QRICH2: variants seen among roughly 807,000 people sequenced by gnomAD.
QRICH2 encodes the protein glutamine-rich protein 2.
Under a neutral mutation model 168.3 loss-of-function variants are expected in QRICH2, and 119 were observed. The ratio of observed to expected loss-of-function variants is 0.71; its 90% CI spans 0.61 to 0.82. The LOEUF is 0.82. QRICH2 is among the 40% of genes least tolerant of loss of function. The probability of loss-of-function intolerance (pLI) is 0.00; values close to 1 mark genes in which losing one functional copy is unlikely to be tolerated. For synonymous variants in QRICH2, 894 were observed against 951.2 expected, an observed-to-expected ratio of 0.94 and a Z score of 1.11; for missense variants, 2,241 against 2,491.6, an observed-to-expected ratio of 0.90 and a Z score of 2.14.
rs983208615 is a variant in QRICH2 at position 76,307,745 on chromosome 17, C to T, written c.254G>A (p.Arg85Gln). 2.3e-5 allele frequency: 32 copies of T among 1,381,480 alleles called. No individual in the cohort carries two copies. Among genetic ancestry groups the T allele is most frequent in the Non-Finnish European group, 2.7e-5 (29 of 1,071,476 alleles). The allele number at this position is 1,381,480 out of a possible 1,614,324, so 85.6% of individuals were successfully genotyped here. A position where few individuals can be genotyped will look rare whatever the true frequency, so the allele number is the denominator to read the frequency against. The change falls in exon 1 of 19, where the codon CGG becomes CAG. Residue 85 changes from arginine (R) to glutamine (Q), a missense_variant. By Grantham distance (43) the Arg-to-Gln change is conservative. This residue lies in a region of QRICH2 where 2,047 missense variants were observed against 2,303.8 expected (regional missense o/e 0.89). Transcript: ENST00000680821. The surrounding 1 kb of genome is among the most constrained non-coding windows in gnomAD (Gnocchi z 5.3). ...CTGGCCCACGCCCCTGCGCTTCTCC[C>T]GGGGCGCCCCCTTGGGCACCTCCTT... Reference protein sequence around the residue: ...APKEVPKGAPREKRRGVGQAP... With the variant: ...APKEVPKGAPQEKRRGVGQAP...
At chr17:76,289,161 G>A (rs11077811) in intron 5 of QRICH2, among the ~76,000 whole-genome samples, 36,751 of 151,480 alleles carry the variant, frequency 0.24, 4,756 homozygotes, top group East Asian at 0.52. Flanking sequence ...TGGCTCAGCT[G>A]AATCATAATA....
At chr17:76,275,520 C>T (rs1331526902) in intron 18 of QRICH2, among the ~76,000 whole-genome samples, 1 of 152,222 alleles carries the variant, frequency 6.6e-6, no homozygotes, top group African/African-American at 2.4e-5. Flanking sequence ...CGCACGAGCT[C>T]CATGACAGTG....
chr17:76,305,243 A>G, intron 1 of QRICH2, among the ~76,000 whole-genome samples: 1 of 148,084 alleles, frequency 6.8e-6, no homozygotes, highest in Non-Finnish European at 1.5e-5. Context: ...AGCTCACTGC[A>G]GCCTCAACCT....
intron 1 of QRICH2, among the ~76,000 whole-genome samples, chr17:76,306,748 G>A (rs1482607222): frequency 6.6e-6 from 1 of 152,054 alleles, no homozygotes; most frequent in Non-Finnish European, 1.5e-5. Context: ...TTAGCCAGGC[G>A]GGGTGGCGCG....
Position 76,292,106 on chromosome 17 carries a change from G to A in QRICH2, c.2621C>T (p.Pro874Leu). The part of the protein sequence containing the change: ...PGVDQRGLVQ[P>L]GVDQRGLVQP... ...GACCAAACCACGCTGATCCACTCCA[G>A]GTTGCACCAAACCACGCTGATCCAC... Residue 874 changes from proline to leucine, a missense_variant, in exon 4 of 19, where the codon CCT becomes CTT. Physicochemically the swap from Pro to Leu is moderately conservative, Grantham distance 98 (BLOSUM62 -3). Coordinates refer to ENST00000680821, the MANE Select transcript of QRICH2 (RefSeq NM_001388453.1). 1 of 1,613,460 alleles carries A rather than the reference G, an allele frequency of 6.2e-7. No homozygotes were observed. The highest frequency in any genetic ancestry group is 1.1e-5 in the South Asian group (1 of 91,080).
chr17:76,282,445 G>A (rs2070807386), intron 7 of QRICH2, among the ~76,000 whole-genome samples: 1 of 152,182 alleles, frequency 6.6e-6, no homozygotes, highest in South Asian at 2.1e-4. Context: ...CAGTTAGCCG[G>A]GCCATAAACA....
chr17:76,291,766 C>T lies in QRICH2; in HGVS notation c.2961G>A (p.Lys987=), dbSNP rs1299018894. 2 of 1,614,040 alleles carry T rather than the reference C, an allele frequency of 1.2e-6. No homozygotes were observed. The highest frequency in any genetic ancestry group is 2.7e-5 in the African/African-American group (2 of 74,912). ...CCTGGAATGTTGAAGAGCCACGAAG[C>T]TTTGTGCCTGGTGCTATCAAGCCTG... ...YQPGLIAPGT[K]LRGSSTFQAD... Residue 987 remains lysine (K), a synonymous_variant, in exon 4 of 19, where the codon AAG becomes AAA. Transcript: ENST00000680821.
intron 6 of QRICH2, 125 bp downstream of exon 6, chr17:76,287,675 G>T: frequency 1.4e-6 from 1 of 739,410 alleles, no homozygotes. Context: ...GTGAAGAGCA[G>T]ACACAATCCA....
chr17:76,294,295 G>GT (rs2071068470), intron 3 of QRICH2, among the ~76,000 whole-genome samples: 1 of 152,078 alleles, frequency 6.6e-6, no homozygotes. Context: ...GTGGTGGCAT[G>GT]TGTCTGTAAT....
chr17:76,310,900 T>G (rs2071064065), upstream of QRICH2: 1 of 152,164 alleles, frequency 6.6e-6, no homozygotes, highest in South Asian at 2.1e-4. Flanking sequence ...TCTGTATCCA[T>G]GGTCTTCTGC....
At position 76,278,083 on chromosome 17, in the gene QRICH2, C is replaced by G; in HGVS notation, c.5023G>C (p.Val1675Leu). ...GTGGAGCCCCCGAAGTGGATCTGCA[C>G]CTTCTCAATGTTCATCAGCATCTTG... is the stretch of plus-strand genomic sequence containing the variant. ...HSKMLMNIEK[V>L]QIHFGGSTKA... Residue 1675 changes from valine (V) to leucine (L), a missense_variant, in exon 15 of 19, where the codon GTG becomes CTG. By Grantham distance (32) the Val-to-Leu change is conservative (BLOSUM62 1). Coordinates refer to ENST00000680821, the MANE Select transcript of QRICH2 (RefSeq NM_001388453.1). The G allele has an allele frequency of 6.2e-7, 1 of 1,613,954 alleles. No homozygotes were observed. The highest frequency in any genetic ancestry group is 8.5e-7 in the Non-Finnish European group (1 of 1,180,052).
chr17:76,297,442 G>A (rs905766136), intron 3 of QRICH2, among the ~76,000 whole-genome samples: 4 of 152,094 alleles, frequency 2.6e-5, no homozygotes, highest in Non-Finnish European at 5.9e-5. Flanking sequence ...AGGAGGCGGA[G>A]ATTGCAGTGA....
rs1172828669 is a variant in QRICH2, at chr17:76,280,947, C to T, written c.4270G>A (p.Glu1424Lys). The T allele has an allele frequency of 6.2e-7, 1 of 1,609,500 alleles. No individual in the cohort carries two copies. The highest frequency in any genetic ancestry group is 8.5e-7 in the Non-Finnish European group (1 of 1,179,930). ...GCACTCTGCACACGGCCCAGCAGCT[C>T]CTCGTCCTGCGGCAGGAGGGATGGG... The part of the protein sequence containing the change: ...KKAKLQRQDE[E>K]LLGRVQSAIL... Residue 1424 changes from glutamate (E) to lysine (K), a missense_variant, in exon 9 of 19, where the codon GAG (glutamate) becomes AAG (lysine). Coordinates refer to ENST00000680821, the MANE Select transcript of QRICH2 (RefSeq NM_001388453.1). The surrounding 1 kb of genome is among the most constrained non-coding windows in gnomAD (Gnocchi z 7.4).
rs113968216 is a variant in QRICH2 at position 76,293,802 on chromosome 17, C to G, written c.925G>C (p.Gly309Arg). 5.9e-3 allele frequency: 9,531 copies of G among 1,614,024 alleles called. 372 individuals are homozygous for G. The African/African-American group carries it at 0.086, about 15-fold the overall frequency. The change falls in exon 4 of 19, where the codon GGT becomes CGT. Residue 309 changes from glycine to arginine, a missense_variant. Transcript: ENST00000680821. ...SSREQSKVPS[G>R]TGRQQQPRAR... ...CTCGGCTGCTGCTGTCTCCCAGTAC[C>G]AGAGGGGACCTTGCTTTGTTCCCTA...
At chr17:76,300,486 C>G (rs1368629878) in intron 3 of QRICH2, among the ~76,000 whole-genome samples, 1 of 152,070 alleles carries the variant, frequency 6.6e-6, no homozygotes, top group Non-Finnish European at 1.5e-5. Flanking sequence ...GACCTGAGAC[C>G]AATTTGACCT....
rs755508470 is a variant in QRICH2 at position 76,291,973 on chromosome 17, C to A, written c.2754G>T (p.Gln918His). The change falls in exon 4 of 19, where the codon CAG (glutamine) becomes CAT (histidine). Residue 918 changes from glutamine (Q) to histidine (H), a missense_variant. Gln to His is a conservative substitution (Grantham distance 24). Coordinates refer to ENST00000680821, the MANE Select transcript of QRICH2 (RefSeq NM_001388453.1). ...CTGCCTGAGGTTGCACCATACCTTG[C>A]TGACCTATTCCAGGCTGCACCATAC... is the stretch of plus-strand genomic sequence containing the variant. ...QLGMVQPGIG[Q>H]QGMVQPQADP... The A allele has an allele frequency of 1.2e-6, 2 of 1,613,984 alleles. No individual in the cohort carries two copies. The highest frequency in any genetic ancestry group is 2.2e-5 in the East Asian group (1 of 44,790).
upstream of QRICH2, chr17:76,308,632 G>A (rs1275221327): frequency 6.0e-6 from 2 of 333,916 alleles, no homozygotes; most frequent in Admixed American, 6.5e-5. Flanking sequence ...CACATATTTT[G>A]TTCAATCAAA....
At chr17:76,308,340 C>T, upstream of QRICH2, 5 of 985,414 alleles carry the variant, frequency 5.1e-6, no homozygotes, top group Non-Finnish European at 6.0e-6. Flanking sequence ...CTGCGAGCCA[C>T]GGGGGCGGGG....
Position 76,285,033 on chromosome 17 carries a change from C to A in QRICH2, c.4011+2159G>T, listed in dbSNP as rs568358769. ...CCAGTGGCGCGATCATGGCTCACTG[C>A]AACCTCCGCCTCCCAGGTTCAAGTG... On this transcript the variant is annotated intron_variant, in intron 7 of 18. Coordinates refer to ENST00000680821, the MANE Select transcript of QRICH2 (RefSeq NM_001388453.1). Among the ~76,000 whole-genome samples the A allele has an allele frequency of 2.0e-5, 3 of 151,472 alleles. 1 individual carries two copies. The highest frequency in any genetic ancestry group is 7.2e-5 in the African/African-American group (3 of 41,390).
Sources: gnomAD v4.1 joint callset for allele counts (sites outside exome capture counted in the v4.1 genomes callset) on GRCh38, gnomAD v4.1.1 for gene constraint, gnomAD v4.1.1 regional missense constraint, Gnocchi (gnomAD v3.1) non-coding constraint, MANE v1.5 for transcripts, NCBI Gene and HGNC (gene_info 2026-07-23, HGNC 2026-07-21) for gene names.